Variants in AKT1 observed in about 807,000 individuals in gnomAD.
AKT1 encodes AKT serine/threonine kinase 1.
Under a neutral mutation model 63.1 loss-of-function variants are expected in AKT1, and 21 were observed. That is an observed-to-expected ratio of 0.33 (90% CI 0.24 to 0.48). The LOEUF (loss-of-function observed/expected upper bound fraction) is 0.48, where lower values mean the gene tolerates loss of function less well. Among genes scored for constraint, AKT1 ranks in the 20% least tolerant of loss-of-function variants. The pLI, the probability that AKT1 is intolerant of heterozygous loss-of-function variation, is 0.99. For missense variants in AKT1, 382 were observed against 666.0 expected (o/e 0.57, Z 4.69); for synonymous variants, 257 against 253.1 (o/e 1.02, Z -0.15).
In AKT1 at chr14:104,795,220, G is replaced by A. The variant is rs1185497382; in HGVS notation, c.-258+264C>T. 1.3e-5 allele frequency among the ~76,000 whole-genome samples: 2 copies of A among 151,688 alleles called. No individual in the cohort carries two copies. The highest frequency in any genetic ancestry group is 6.6e-5 in the Admixed American group (1 of 15,242). On this transcript the variant is annotated intron_variant, in intron 1 of 14. Transcript: ENST00000649815. This position sits in a 1 kb window ranked among gnomAD's most constrained non-coding sequence, Gnocchi z 5.1. ...CTTCTCTCGGGTCCCGGCCTCGCCC[G>A]GCGGAGCGGCCTCCCCAAGGTCATG... is the stretch of plus-strand genomic sequence containing the variant.
At chr14:104,770,887 C>T (rs1449713079) in intron 13 of AKT1, 40 bp from the exon 14 acceptor site, 2 of 1,576,422 alleles carry the variant, frequency 1.3e-6, no homozygotes, top group East Asian at 2.3e-5. Context: ...GAGCTTCGCT[C>T]CCCACTCCCA....
At chr14:104,787,514 G>A (rs1272930156) in intron 3 of AKT1, among the ~76,000 whole-genome samples, 2 of 152,244 alleles carry the variant, frequency 1.3e-5, no homozygotes, top group Admixed American at 1.3e-4. Flanking sequence ...CTGGCCCCAA[G>A]CCGGGCCGGG....
intron 3 of AKT1, among the ~76,000 whole-genome samples, chr14:104,788,153 G>C (rs1893431098): frequency 6.6e-6 from 1 of 152,202 alleles, no homozygotes; most frequent in South Asian, 2.1e-4. Context: ...AGGGGAGGCA[G>C]AGCTTGGCAC....
rs977537252 is a variant in AKT1, at chr14:104,780,572, T to G, written c.47-356A>C. On this transcript the variant is annotated intron_variant, in intron 3 of 14. Coordinates refer to ENST00000649815, the MANE Select transcript of AKT1 (RefSeq NM_001382430.1). ...GAGGAGGCAGCCCTAAACCAGCCAG[T>G]CCCCAGCAGGCACCAGCAGCAGCTC... is the stretch of plus-strand genomic sequence containing the variant. Among the ~76,000 whole-genome samples, 9 of 152,168 alleles carry G rather than the reference T, an allele frequency of 5.9e-5. 1 individual carries two copies. The East Asian group carries it at 1.7e-3, about 29-fold the overall frequency.
intron 3 of AKT1, among the ~76,000 whole-genome samples, chr14:104,791,732 T>C (rs1165893377): frequency 6.6e-6 from 1 of 152,018 alleles, no homozygotes; most frequent in East Asian, 1.9e-4. Context: ...TGCTAGAGGG[T>C]GTACGTAAAG....
rs181548693 is a variant in AKT1, at chr14:104,788,513, G to A, written c.46+4085C>T. 3.7e-3 allele frequency among the ~76,000 whole-genome samples: 571 copies of A among 152,334 alleles called. 5 individuals are homozygous for A. Among genetic ancestry groups the A allele is most frequent in the African/African-American group, 0.013 (551 of 41,564 alleles). On this transcript the variant is annotated intron_variant, in intron 3 of 14. Coordinates refer to ENST00000649815, the MANE Select transcript of AKT1 (RefSeq NM_001382430.1). ...AGCCAAGGCCTCCTCCAGGATGAAG[G>A]GGAGTGGCCTGTACCCTCTGAGGTC...
intron 4 of AKT1, chr14:104,776,992 CAG>C (rs1358251594): frequency 1.9e-6 from 1 of 520,876 alleles, no homozygotes; most frequent in African/African-American, 1.9e-5. Context: ...GGCAGCCACA[CAG>C]GGCATCTGGC....
At chr14:104,788,208 C>T (rs1041429745) in intron 3 of AKT1, among the ~76,000 whole-genome samples, 3 of 152,152 alleles carry the variant, frequency 2.0e-5, no homozygotes, top group Admixed American at 6.5e-5. Context: ...GCCACCTAGA[C>T]GCAGCCTGGG....
chr14:104,775,510 G>T, intron 6 of AKT1, 142 bp downstream of exon 6: 1 of 1,239,552 alleles, frequency 8.1e-7, no homozygotes, highest in Non-Finnish European at 1.1e-6. Context: ...AAGCAGCTGC[G>T]CCCTACATGG....
intron 3 of AKT1, chr14:104,786,185 G>C (rs371631996): frequency 6.6e-6 from 1 of 152,228 alleles, no homozygotes; most frequent in African/African-American, 2.4e-5. Context: ...AGATGAGGCT[G>C]CAGCCCCTCC....
At chr14:104,779,003 C>G (rs1039641820) in intron 4 of AKT1, among the ~76,000 whole-genome samples, 1 of 152,232 alleles carries the variant, frequency 6.6e-6, no homozygotes, top group Non-Finnish European at 1.5e-5. Flanking sequence ...CACCTGCATG[C>G]CCAACCCGTG....
At chr14:104,772,191 C>CT in intron 13 of AKT1, 174 bp downstream of exon 13, 1 of 689,282 alleles carries the variant, frequency 1.5e-6, no homozygotes, top group South Asian at 1.7e-5. Flanking sequence ...GCCAGAGCCT[C>CT]TGAGCACCAG....
rs61761194 is a variant in AKT1, at chr14:104,774,413, G to A, written c.634-433C>T. ...CTCCCAGCACCAGGGCCTTCGCAAAGGGAGGACACACCCTCCCAGGCGAGA... is the reference window on the plus strand; with the variant it reads ...CTCCCAGCACCAGGGCCTTCGCAAAAGGAGGACACACCCTCCCAGGCGAGA... On this transcript the variant is annotated intron_variant, in intron 8 of 14. Coordinates refer to ENST00000649815, the MANE Select transcript of AKT1 (RefSeq NM_001382430.1). The A allele has an allele frequency of 9.3e-3, 2,197 of 235,878 alleles. 12 individuals carry two copies. The highest frequency in any genetic ancestry group is 0.012 in the Non-Finnish European group (1,454 of 118,978). The allele number at this position is 235,878 out of a possible 1,614,324, so 14.6% of individuals were successfully genotyped here.
chr14:104,783,772 C>G (rs1476940367), intron 3 of AKT1, among the ~76,000 whole-genome samples: 3 of 152,180 alleles, frequency 2.0e-5, no homozygotes, highest in Non-Finnish European at 4.4e-5. Flanking sequence ...CACCCCCATG[C>G]TGGGCTCAAG....
intron 3 of AKT1, among the ~76,000 whole-genome samples, chr14:104,781,584 C>T (rs147565936): frequency 0.011 from 1,640 of 152,308 alleles, 12 homozygotes; most frequent in African/African-American, 0.02. Flanking sequence ...GGCCACCCCC[C>T]GGCCAGGTGA....
chr14:104,777,027 C>T, intron 4 of AKT1: 1 of 468,504 alleles, frequency 2.1e-6, no homozygotes. Context: ...CAAACCCCCA[C>T]CATCGTCCAC....
rs779975909 is a variant in AKT1, at chr14:104,776,781, G to T, written c.176-11C>A. 1 of 1,609,296 alleles carries T rather than the reference G, an allele frequency of 6.2e-7. No homozygotes were observed. The highest frequency in any genetic ancestry group is 1.1e-5 in the South Asian group (1 of 90,968). On this transcript the variant is annotated splice_polypyrimidine_tract_variant and intron_variant, in intron 4 of 14. Coordinates refer to ENST00000649815, the MANE Select transcript of AKT1 (RefSeq NM_001382430.1). ...TCATCAGCTGGCACTCTGCGGGCAGGCAGAGCCTCTGTCTGCGTGCATCCC... is the reference window on the plus strand; with the variant it reads ...TCATCAGCTGGCACTCTGCGGGCAGTCAGAGCCTCTGTCTGCGTGCATCCC...
intron 3 of AKT1, among the ~76,000 whole-genome samples, chr14:104,786,609 C>T (rs1035454861): frequency 6.6e-6 from 1 of 152,206 alleles, no homozygotes; most frequent in East Asian, 1.9e-4. Flanking sequence ...TCCTCCACAC[C>T]GACCATGGGA....
chr14:104,773,429 G>GC (rs749170452), intron 10 of AKT1, 26 bp downstream of exon 10: 4 of 1,613,840 alleles, frequency 2.5e-6, no homozygotes, highest in Non-Finnish European at 3.4e-6. Flanking sequence ...CCAGGGCCCT[G>GC]CCCCCCTGCC....
Sources: allele counts gnomAD v4.1 joint callset (sites outside exome capture counted in the v4.1 genomes callset), GRCh38; gene constraint gnomAD v4.1.1; non-coding constraint Gnocchi (gnomAD v3.1); transcripts MANE v1.5; gene names NCBI Gene and HGNC (gene_info 2026-07-23, HGNC 2026-07-21).